The following DDHD1 variants were observed in gnomAD, a reference collection of about 807,000 sequenced individuals.
The protein encoded by DDHD1 is phospholipase DDHD1.
Under a neutral mutation model 96.4 loss-of-function variants are expected in DDHD1, and 49 were observed. The observed-to-expected ratio is 0.51, with a 90% confidence interval of 0.40 to 0.64. The LOEUF (loss-of-function observed/expected upper bound fraction) is 0.64, where lower values mean the gene tolerates loss of function less well. Among genes scored for constraint, DDHD1 ranks in the 30% least tolerant of loss-of-function variants. The pLI, the probability that DDHD1 is intolerant of heterozygous loss-of-function variation, is 0.00. For synonymous variants in DDHD1, 442 were observed against 446.5 expected, an observed-to-expected ratio of 0.99 and a Z score of 0.13; for missense variants, 1,106 against 1,161.2, an observed-to-expected ratio of 0.95 and a Z score of 0.69.
At position 53,044,960 on chromosome 14, in the gene DDHD1, T is replaced by A. The variant is rs1450777991; in HGVS notation, c.*1808A>T. ...TGCAAGTTAAGAAAAGACAGCACCT[T>A]AAGTGGAACCTAGTGGAAACCACTC... On this transcript the variant is annotated 3_prime_UTR_variant, in exon 13 of 13. Transcript: ENST00000673822. 1 of 152,196 alleles carries A rather than the reference T, an allele frequency of 6.6e-6. No homozygotes were observed. The highest frequency in any genetic ancestry group is 1.9e-4 in the East Asian group (1 of 5,196). 9.4% of individuals were successfully genotyped at this position (152,196 alleles called of 1,614,324 possible).
At chr14:53,062,313 TAA>T (rs1204942711) in intron 7 of DDHD1, among the ~76,000 whole-genome samples, 1 of 152,018 alleles carries the variant, frequency 6.6e-6, no homozygotes, top group Non-Finnish European at 1.5e-5. Context: ...AATATGCTAG[TAA>T]ATTATCAAAA....
In DDHD1 at chr14:53,091,978, T is replaced by G. The variant is rs762226136; in HGVS notation, c.1142-46A>C. 2.6e-6 allele frequency: 4 copies of G among 1,541,000 alleles called. No homozygotes were observed. The East Asian group carries it at 9.1e-5, about 35-fold the overall frequency. ...TAAGTTTACTATTTAATCTGAGAAA[T>G]AGCATTTCCACAATATGTTAAAAGA... On this transcript the variant is annotated intron_variant, in intron 3 of 12. Transcript: ENST00000673822.
Position 53,153,211 on chromosome 14 carries a change from T to G in DDHD1, c.-113A>C. 12 of 966,704 alleles carry G rather than the reference T, an allele frequency of 1.2e-5. No homozygotes were observed. The highest frequency in any genetic ancestry group is 4.3e-5 in the Admixed American group (1 of 23,312). The allele number at this position is 966,704 out of a possible 1,614,324, so 59.9% of individuals were successfully genotyped here. A position where few individuals can be genotyped will look rare whatever the true frequency, so the allele number is the denominator to read the frequency against. ...CACCCGAAGTTTCTAATCTTTCAAATCCCGACCCGAGCTGCGGCGGCAGCG... is the reference window on the plus strand; with the variant it reads ...CACCCGAAGTTTCTAATCTTTCAAAGCCCGACCCGAGCTGCGGCGGCAGCG... On this transcript the variant is annotated 5_prime_UTR_variant, in exon 1 of 13. Transcript: ENST00000673822.
At chr14:53,123,781 T>G (rs976658148) in intron 1 of DDHD1, among the ~76,000 whole-genome samples, 42 of 152,154 alleles carry the variant, frequency 2.8e-4, no homozygotes, top group African/African-American at 1.0e-3. Flanking sequence ...AACCGGAGAA[T>G]GGAGGAGTCA....
Position 53,041,367 on chromosome 14 carries a change from A to G in DDHD1, c.*5401T>C, listed in dbSNP as rs2139787571. 1 of 152,304 alleles carries G rather than the reference A, an allele frequency of 6.6e-6. No individual in the cohort carries two copies. Among genetic ancestry groups the G allele is most frequent in the South Asian group, 2.1e-4 (1 of 4,826 alleles). 9.4% of individuals were successfully genotyped at this position (152,304 alleles called of 1,614,324 possible). A position where few individuals can be genotyped will look rare whatever the true frequency, so the allele number is the denominator to read the frequency against. ...CACCCTAACAATCTGCCAATGGACT[A>G]TTTTTGGGGAATGCACATACATACA... On this transcript the variant is annotated 3_prime_UTR_variant, in exon 13 of 13. Coordinates refer to ENST00000673822, the MANE Select transcript of DDHD1 (RefSeq NM_001160148.2).
chr14:53,083,037 G>C (rs10141291), intron 4 of DDHD1, among the ~76,000 whole-genome samples: 5,094 of 152,172 alleles, frequency 0.033, 288 homozygotes, highest in African/African-American at 0.11. Flanking sequence ...AAGACGGGGA[G>C]AGAAATGAGA....
At chr14:53,120,304 CAAAT>C (rs889458961) in intron 1 of DDHD1, among the ~76,000 whole-genome samples, 2 of 152,044 alleles carry the variant, frequency 1.3e-5, no homozygotes, top group African/African-American at 4.8e-5. Context: ...AAAAACGACA[CAAAT>C]AAATGGAAAA....
At chr14:53,134,698 G>A (rs1890105529) in intron 1 of DDHD1, among the ~76,000 whole-genome samples, 1 of 151,536 alleles carries the variant, frequency 6.6e-6, no homozygotes, top group East Asian at 1.9e-4. Context: ...AAGAACTCAA[G>A]GCTAGAGCCC....
intron 1 of DDHD1, among the ~76,000 whole-genome samples, chr14:53,110,907 C>T (rs768802484): frequency 2.6e-4 from 39 of 152,064 alleles, no homozygotes; most frequent in Non-Finnish European, 4.7e-4. Context: ...ACCCGGGAGG[C>T]GGAGGCTGCA....
At chr14:53,092,882 C>T (rs1387964987) in intron 3 of DDHD1, 1 of 154,144 alleles carries the variant, frequency 6.5e-6, no homozygotes, top group Non-Finnish European at 1.4e-5. Flanking sequence ...AAGGAGTTGT[C>T]TATTCTCATT....
At chr14:53,057,572 A>T (rs1377463124) in intron 9 of DDHD1, among the ~76,000 whole-genome samples, 1 of 152,218 alleles carries the variant, frequency 6.6e-6, no homozygotes, top group Non-Finnish European at 1.5e-5. Flanking sequence ...ACTTTAGATT[A>T]AAAAAGTATT....
intron 1 of DDHD1, among the ~76,000 whole-genome samples, chr14:53,115,518 C>A (rs10140010): frequency 0.73 from 111,200 of 152,156 alleles, 43,516 homozygotes; most frequent in East Asian, 0.96. Context: ...ATCAGATTAA[C>A]ATCAGATTTC....
chr14:53,096,038 T>A (rs2139691236), intron 2 of DDHD1: 1 of 740,934 alleles, frequency 1.3e-6, no homozygotes. Context: ...AAACTAATAA[T>A]TTCTATGCTT....
At chr14:53,139,114 C>A (rs538282948) in intron 1 of DDHD1, among the ~76,000 whole-genome samples, 1 of 149,986 alleles carries the variant, frequency 6.7e-6, no homozygotes, top group Admixed American at 6.6e-5. Flanking sequence ...CACACCCACA[C>A]CCACAACCAC....
intron 1 of DDHD1, among the ~76,000 whole-genome samples, chr14:53,111,095 G>A (rs1395888496): frequency 6.6e-6 from 1 of 152,156 alleles, no homozygotes; most frequent in Admixed American, 6.5e-5. Flanking sequence ...ATAATTCTAA[G>A]GTTCATTTTC....
Position 53,120,031 on chromosome 14 carries a change from A to G in DDHD1, c.839-16175T>C, listed in dbSNP as rs190374990. ...TCAAATTGTCTCTGCAAATGACATG[A>G]TTGTATATTTAGAAAACCCCATGGT... is the stretch of plus-strand genomic sequence containing the variant. On this transcript the variant is annotated intron_variant, in intron 1 of 12. Coordinates refer to ENST00000673822, the MANE Select transcript of DDHD1 (RefSeq NM_001160148.2). Among the ~76,000 whole-genome samples, 15 of 152,328 alleles carry G rather than the reference A, an allele frequency of 9.8e-5. No homozygotes were observed. In the East Asian group the frequency reaches 2.9e-3, roughly 29 times the overall value.
rs535200485 is a variant in DDHD1, at chr14:53,042,125, T to C, written c.*4643A>G. On this transcript the variant is annotated 3_prime_UTR_variant, in exon 13 of 13. Transcript: ENST00000673822. ...TGTAAAACGAAGGAATTAAATGTGA[T>C]AGCATTTCTCTAGGTAAATGCCAAA... 3.3e-5 allele frequency: 5 copies of C among 152,180 alleles called. No individual in the cohort carries two copies. The highest frequency in any genetic ancestry group is 7.4e-5 in the Non-Finnish European group (5 of 68,020). 9.4% of individuals were successfully genotyped at this position (152,180 alleles called of 1,614,324 possible).
At chr14:53,126,670 G>GT (rs1172905040) in intron 1 of DDHD1, among the ~76,000 whole-genome samples, 3 of 152,152 alleles carry the variant, frequency 2.0e-5, no homozygotes, top group Non-Finnish European at 2.9e-5. Context: ...CCCGGCTGAT[G>GT]TAACATCTTT....
intron 3 of DDHD1, chr14:53,093,106 T>G (rs549255734): frequency 2.9e-4 from 97 of 335,170 alleles, no homozygotes; most frequent in African/African-American, 2.0e-3. Flanking sequence ...ATTAATTTTG[T>G]CAAATCATTC....
Sources: gnomAD v4.1 joint callset for allele counts (sites outside exome capture counted in the v4.1 genomes callset) on GRCh38, gnomAD v4.1.1 for gene constraint, MANE v1.5 for transcripts, NCBI Gene and HGNC (gene_info 2026-07-23, HGNC 2026-07-21) for gene names.